OTUD4: variants seen among roughly 807,000 people sequenced by gnomAD.
OTUD4 encodes the protein OTU deubiquitinase 4, also known as OTU domain-containing protein 4.
Under a neutral mutation model 130.4 loss-of-function variants are expected in OTUD4, and 24 were observed. The ratio of observed to expected loss-of-function variants is 0.18; its 90% confidence interval spans 0.13 to 0.26. The LOEUF (loss-of-function observed/expected upper bound fraction) is 0.26. OTUD4 is among the 10% of genes least tolerant of loss of function. The probability of loss-of-function intolerance (pLI) is 1.00; values close to 1 mark genes in which losing one functional copy is unlikely to be tolerated. For synonymous variants in OTUD4, 420 were observed against 472.5 expected, an observed-to-expected ratio of 0.89 and a Z score of 1.44; for missense variants, 1,031 against 1,329.4, an observed-to-expected ratio of 0.78 and a Z score of 3.49.
intron 3 of OTUD4, among the ~76,000 whole-genome samples, chr4:145,165,981 G>C (rs902725629): frequency 2.0e-5 from 3 of 151,716 alleles, no homozygotes; most frequent in Non-Finnish European, 4.4e-5. Context: ...GACCAACATG[G>C]AGAAACCCCC....
rs756201611 is a variant in OTUD4 at position 145,150,880 on chromosome 4, G to C, written c.994C>G (p.Pro332Ala). The C allele has an allele frequency of 6.2e-7, 1 of 1,613,404 alleles. No homozygotes were observed. The highest frequency in any genetic ancestry group is 1.3e-5 in the African/African-American group (1 of 74,864). Residue 332 changes from proline to alanine, a missense_variant, in exon 12 of 21, where the codon CCT (proline) becomes GCT (alanine). This residue lies in a region of OTUD4 where 900 missense variants were observed against 1,095.9 expected (regional missense o/e 0.82). Transcript: ENST00000447906. ...KKHTSKNLKAPPPESWNTVSG... is the reference protein window; with the variant it reads ...KKHTSKNLKAAPPESWNTVSG... ...ACTGTGTTCCAGCTTTCTGGGGGAG[G>C]TGCCTTGAGGTTCTTTGATGTGTGC...
rs145504222 is a variant in OTUD4, at chr4:145,150,518, G to A, written c.1254C>T (p.Ile418=). ...CTTACATTCAAGAAGGTTACCTTAT[G>A]ATCTGTGAAGGTGTCCGGCTAAGAT... ...HKNLSRTPSQ[I]IRKPDRERVE... is the part of the protein sequence containing the mutation. The change falls in exon 13 of 21, where the codon ATC becomes ATT. Residue 418 remains isoleucine, a synonymous_variant. Transcript: ENST00000447906. The A allele has an allele frequency of 9.0e-5, 144 of 1,595,656 alleles. No homozygotes were observed. The highest frequency in any genetic ancestry group is 1.2e-4 in the Non-Finnish European group (139 of 1,164,562).
rs1275846685 is a variant in OTUD4, at chr4:145,137,560, G to A, written c.3215C>T (p.Ser1072Phe). The change falls in exon 21 of 21, where the codon TCC becomes TTC. Residue 1072 changes from serine (S) to phenylalanine (F), a missense_variant. Coordinates refer to ENST00000447906, the MANE Select transcript of OTUD4 (RefSeq NM_001366057.1). ...ACTTCTGCTTGGCTGTCCTTTCCAGGACTCCTCACTTCTCACATGTTGATA... is the reference window on the plus strand; with the variant it reads ...ACTTCTGCTTGGCTGTCCTTTCCAGAACTCCTCACTTCTCACATGTTGATA... ...GGYQHVRSEE[S>F]WKGQPSRSRD... 1.2e-6 allele frequency: 2 copies of A among 1,612,920 alleles called. No homozygotes were observed. Among genetic ancestry groups the A allele is most frequent in the East Asian group, 4.5e-5 (2 of 44,762 alleles).
chr4:145,141,877 A>G (rs1242285174), intron 18 of OTUD4, among the ~76,000 whole-genome samples: 1 of 152,114 alleles, frequency 6.6e-6, no homozygotes, highest in African/African-American at 2.4e-5. Context: ...GGGGCTGGTC[A>G]AGGGGTTCAT....
At chr4:145,146,499 G>T in intron 13 of OTUD4, 70 bp from the exon 14 acceptor site, 28 of 863,106 alleles carry the variant, frequency 3.2e-5, no homozygotes, top group Middle Eastern at 3.9e-4. Flanking sequence ...AAACATTCTT[G>T]TCAAAAAAAA....
intron 7 of OTUD4, among the ~76,000 whole-genome samples, chr4:145,156,362 G>C (rs893465956): frequency 6.6e-6 from 1 of 152,156 alleles, no homozygotes; most frequent in African/African-American, 2.4e-5. Context: ...AGTATCCATA[G>C]GCAGATTCGA....
intron 17 of OTUD4, among the ~76,000 whole-genome samples, chr4:145,142,622 A>C (rs571641719): frequency 2.0e-5 from 3 of 152,366 alleles, no homozygotes; most frequent in South Asian, 4.1e-4. Flanking sequence ...CTTGGGCTCA[A>C]GCGATCTGCC....
rs1418733071 is a variant in OTUD4, at chr4:145,164,215, A to G, written c.353T>C (p.Ile118Thr). ...ALSLMYRKDF[I>T]IYREPNVSPS... ...AGAAACATTTGGTTCCCGATAAATT[A>G]TAAAATCTTTCCTGAAAATAACAAT... Residue 118 changes from isoleucine (I) to threonine (T), a missense_variant, in exon 5 of 21, where the codon ATA becomes ACA. By Grantham distance (89) the Ile-to-Thr change is moderately conservative. Transcript: ENST00000447906. The G allele has an allele frequency of 8.2e-6, 11 of 1,340,310 alleles. No homozygotes were observed. Among genetic ancestry groups the G allele is most frequent in the Non-Finnish European group, 1.1e-5 (11 of 957,586 alleles). 83.0% of individuals were successfully genotyped at this position (1,340,310 alleles called of 1,614,324 possible).
chr4:145,165,251 A>AT (rs1395816280), intron 3 of OTUD4, 54 bp from the exon 4 acceptor site: 1 of 1,170,200 alleles, frequency 8.5e-7, no homozygotes, highest in Non-Finnish European at 1.3e-6. Flanking sequence ...TTTAGATTCC[A>AT]CTTTATATTT....
Position 145,134,221 on chromosome 4 carries a change from A to G in OTUD4, c.*3209T>C, listed in dbSNP as rs2126724789. 6.5e-6 allele frequency: 1 copy of G among 153,038 alleles called. No homozygotes were observed. The highest frequency in any genetic ancestry group is 1.9e-4 in the East Asian group (1 of 5,198). 9.5% of individuals were successfully genotyped at this position (153,038 alleles called of 1,614,324 possible). A position where few individuals can be genotyped will look rare whatever the true frequency, so the allele number is the denominator to read the frequency against. On this transcript the variant is annotated 3_prime_UTR_variant, in exon 21 of 21. Coordinates refer to ENST00000447906, the MANE Select transcript of OTUD4 (RefSeq NM_001366057.1). ...AATAACATATTGGAAATGAGACATT[A>G]TTAGGATTTTAAACAAACAATAGCA...
intron 10 of OTUD4, among the ~76,000 whole-genome samples, chr4:145,154,986 C>T (rs1471117514): frequency 6.6e-6 from 1 of 152,224 alleles, no homozygotes; most frequent in African/African-American, 2.4e-5. Context: ...CTGTGGCTCA[C>T]TTTCTTTCCT....
At chr4:145,149,412 A>G (rs186267804) in intron 13 of OTUD4, 3 of 152,346 alleles carry the variant, frequency 2.0e-5, no homozygotes, top group Non-Finnish European at 2.9e-5. Flanking sequence ...TAAGCTGACC[A>G]GTTTATGGTA....
At chr4:145,162,232 G>T (rs1455375052) in intron 6 of OTUD4, among the ~76,000 whole-genome samples, 7 of 152,122 alleles carry the variant, frequency 4.6e-5, no homozygotes, top group Non-Finnish European at 8.8e-5. Context: ...TAACAGAATA[G>T]AATTATTTGC....
At chr4:145,174,385 G>A (rs1377477349) in intron 2 of OTUD4, among the ~76,000 whole-genome samples, 1 of 152,082 alleles carries the variant, frequency 6.6e-6, no homozygotes, top group Non-Finnish European at 1.5e-5. Flanking sequence ...GTATGCAAGG[G>A]CCTTGTCCAG....
At chr4:145,148,976 A>G (rs1196899544) in intron 13 of OTUD4, among the ~76,000 whole-genome samples, 2 of 152,228 alleles carry the variant, frequency 1.3e-5, no homozygotes, top group Non-Finnish European at 2.9e-5. Context: ...GAGGTAATAT[A>G]ACGGATTAGA....
intron 13 of OTUD4, chr4:145,149,684 C>G (rs952543733): frequency 6.6e-6 from 1 of 152,046 alleles, no homozygotes; most frequent in African/African-American, 2.4e-5. Flanking sequence ...TAAGTGCATT[C>G]ACAAAAAAAG....
At chr4:145,156,993 T>C (rs574139178) in intron 7 of OTUD4, among the ~76,000 whole-genome samples, 4 of 152,226 alleles carry the variant, frequency 2.6e-5, no homozygotes, top group African/African-American at 9.6e-5. Context: ...ACAGGGCCCG[T>C]GGTAGGACTT....
intron 3 of OTUD4, among the ~76,000 whole-genome samples, chr4:145,167,724 G>C (rs577184060): frequency 1.1e-4 from 16 of 152,212 alleles, no homozygotes; most frequent in Non-Finnish European, 1.9e-4. Context: ...CAGGCGTGGT[G>C]GTGGGTGCCT....
chr4:145,177,143 A>C (rs1213181782), intron 1 of OTUD4, among the ~76,000 whole-genome samples: 1 of 152,256 alleles, frequency 6.6e-6, no homozygotes, highest in Non-Finnish European at 1.5e-5. Context: ...TCATGAATCA[A>C]GGTATTACTC....
Sources: gnomAD v4.1 joint callset for allele counts (sites outside exome capture counted in the v4.1 genomes callset) on GRCh38, gnomAD v4.1.1 for gene constraint, gnomAD v4.1.1 regional missense constraint, MANE v1.5 for transcripts, NCBI Gene and HGNC (gene_info 2026-07-23, HGNC 2026-07-21) for gene names.